Variants in RICTOR observed in about 807,000 individuals in gnomAD.
The protein encoded by RICTOR is RPTOR independent companion of MTOR complex 2, also known as rapamycin-insensitive companion of mTOR.
In RICTOR, 49 loss-of-function variants were observed where a neutral mutation model predicts 214.9. That is an observed-to-expected ratio of 0.23 (90% CI 0.18 to 0.29). The LOEUF (loss-of-function observed/expected upper bound fraction) is 0.29, where lower values mean the gene tolerates loss of function less well. Ranked by LOEUF, RICTOR falls within the 10% of genes least tolerant of loss-of-function variation. RICTOR has a pLI of 1.00. For missense variants in RICTOR, 1,625 were observed against 2,047.0 expected (o/e 0.79, Z 3.98); for synonymous variants, 717 against 711.3 (o/e 1.01, Z -0.13).
chr5:38,942,899 G>A lies in RICTOR; in HGVS notation c.4986C>T (p.His1662=). ...LYSEVSHLLS[H]CTFRLPCRRF... Reference sequence around the variant, plus strand: ...TCCGACACGGAAGTCTGAATGTGCAGTGTGACAGCAAATGGGAAACCTCAG... The same window carrying A: ...TCCGACACGGAAGTCTGAATGTGCAATGTGACAGCAAATGGGAAACCTCAG... Residue 1662 remains histidine (H), a synonymous_variant, in exon 37 of 38, where the codon CAC becomes CAT. Coordinates refer to ENST00000357387, the MANE Select transcript of RICTOR (RefSeq NM_152756.5). The A allele has an allele frequency of 6.2e-7, 1 of 1,608,628 alleles. No individual in the cohort carries two copies. The highest frequency in any genetic ancestry group is 8.5e-7 in the Non-Finnish European group (1 of 1,174,998).
chr5:39,026,901 A>C (rs1017664562), intron 2 of RICTOR, among the ~76,000 whole-genome samples: 1 of 151,980 alleles, frequency 6.6e-6, no homozygotes, highest in Non-Finnish European at 1.5e-5. Flanking sequence ...CCAGCTACTC[A>C]GGAGGCTGAG....
chr5:38,948,285 T>C (rs1183272938), intron 31 of RICTOR, among the ~76,000 whole-genome samples: 2 of 152,228 alleles, frequency 1.3e-5, no homozygotes, highest in Admixed American at 1.3e-4. Context: ...AATAATTATT[T>C]TGTAAAACAC....
chr5:38,992,733 A>G (rs1752878652), intron 6 of RICTOR, among the ~76,000 whole-genome samples: 1 of 152,214 alleles, frequency 6.6e-6, no homozygotes, highest in African/African-American at 2.4e-5. Flanking sequence ...AAACTCTTAA[A>G]TTGTGTGTAA....
intron 6 of RICTOR, among the ~76,000 whole-genome samples, chr5:38,994,451 A>T (rs2592307): frequency 3.0e-5 from 3 of 101,556 alleles, no homozygotes; most frequent in South Asian, 6.5e-4. Flanking sequence ...AAAAAAAAAA[A>T]AGTGCTTCAG....
intron 2 of RICTOR, among the ~76,000 whole-genome samples, chr5:39,024,823 C>G (rs1021612314): frequency 1.1e-4 from 16 of 152,186 alleles, no homozygotes; most frequent in African/African-American, 3.6e-4. Context: ...AAACTGATTG[C>G]AGACATTTTT....
chr5:39,044,562 T>G (rs1204140918), intron 2 of RICTOR, among the ~76,000 whole-genome samples: 1 of 152,092 alleles, frequency 6.6e-6, no homozygotes, highest in Non-Finnish European at 1.5e-5. Context: ...CTTCCCAAAC[T>G]CTGAGCAACA....
rs1296013123 is a variant in RICTOR, at chr5:38,940,685, T to C, written c.*1619A>G. The C allele has an allele frequency of 4.3e-6, 1 of 232,752 alleles. No individual in the cohort carries two copies. The highest frequency in any genetic ancestry group is 2.2e-5 in the African/African-American group (1 of 45,308). 14.4% of individuals were successfully genotyped at this position (232,752 alleles called of 1,614,324 possible). On this transcript the variant is annotated 3_prime_UTR_variant, in exon 38 of 38. Transcript: ENST00000357387. ...TGCTACACAGTGCACATAAGAACAATTCACTGAAGTGCAGTCAAAGAGGTG... is the reference window on the plus strand; with the variant it reads ...TGCTACACAGTGCACATAAGAACAACTCACTGAAGTGCAGTCAAAGAGGTG...
At chr5:39,038,320 C>T (rs1489200135) in intron 2 of RICTOR, among the ~76,000 whole-genome samples, 1 of 152,138 alleles carries the variant, frequency 6.6e-6, no homozygotes, top group Non-Finnish European at 1.5e-5. Flanking sequence ...GGACGTATCT[C>T]AAAATAATAA....
chr5:38,985,058 G>A (rs191256653), intron 7 of RICTOR, among the ~76,000 whole-genome samples: 2 of 152,098 alleles, frequency 1.3e-5, no homozygotes, highest in East Asian at 1.9e-4. Context: ...TGATCCACCC[G>A]CCTCGGCCTC....
intron 2 of RICTOR, among the ~76,000 whole-genome samples, chr5:39,058,304 G>A (rs1194595693): frequency 6.6e-6 from 1 of 152,010 alleles, no homozygotes. Flanking sequence ...TCTATTTAAA[G>A]GGTCATCTGA....
chr5:38,946,873 T>C (rs1254944549), intron 32 of RICTOR, among the ~76,000 whole-genome samples: 1 of 152,146 alleles, frequency 6.6e-6, no homozygotes, highest in Non-Finnish European at 1.5e-5. Context: ...CACCTTATAT[T>C]ACTGGGTACC....
chr5:39,033,227 T>A (rs1176866724), intron 2 of RICTOR, among the ~76,000 whole-genome samples: 1 of 152,076 alleles, frequency 6.6e-6, no homozygotes, highest in Non-Finnish European at 1.5e-5. Flanking sequence ...AGACTAGAAT[T>A]GTGTTGTTGG....
chr5:39,068,656 A>G (rs1759081300), intron 2 of RICTOR, among the ~76,000 whole-genome samples: 1 of 152,182 alleles, frequency 6.6e-6, no homozygotes, highest in African/African-American at 2.4e-5. Flanking sequence ...CGAGTGAAAA[A>G]AGGTGAGAAG....
chr5:38,981,733 G>A (rs1720318257), intron 8 of RICTOR, 134 bp downstream of exon 8: 1 of 574,332 alleles, frequency 1.7e-6, no homozygotes, highest in African/African-American at 1.9e-5. Context: ...AACAGAGCTG[G>A]GAATAAATTA....
intron 2 of RICTOR, among the ~76,000 whole-genome samples, chr5:39,025,052 TGA>T (rs1361768229): frequency 6.6e-6 from 1 of 152,060 alleles, no homozygotes; most frequent in Non-Finnish European, 1.5e-5. Flanking sequence ...AACTGACAGG[TGA>T]TGATAACTCA....
intron 5 of RICTOR, among the ~76,000 whole-genome samples, chr5:38,999,208 TGGCATCAGAAAC>T (rs1753429449): frequency 6.6e-6 from 1 of 151,396 alleles, no homozygotes. Context: ...AATACAATAA[TGGCATCAGAAAC>T]GTGGGACAGT....
intron 2 of RICTOR, among the ~76,000 whole-genome samples, chr5:39,046,728 G>C (rs1757526521): frequency 6.6e-6 from 1 of 151,940 alleles, no homozygotes; most frequent in Non-Finnish European, 1.5e-5. Context: ...TTATGACTTG[G>C]TTTAAAGATT....
intron 3 of RICTOR, among the ~76,000 whole-genome samples, chr5:39,003,980 C>T (rs986090024): frequency 3.3e-5 from 5 of 152,158 alleles, no homozygotes; most frequent in Non-Finnish European, 5.9e-5. Context: ...TCACAATGTC[C>T]TCAATGCCAG....
intron 2 of RICTOR, among the ~76,000 whole-genome samples, chr5:39,032,855 C>T (rs189242357): frequency 4.9e-4 from 74 of 152,324 alleles, no homozygotes; most frequent in African/African-American, 1.7e-3. Flanking sequence ...TCCCTTTAAC[C>T]TGGCATGCCG....
Sources: gnomAD v4.1 joint callset for allele counts (sites outside exome capture counted in the v4.1 genomes callset) on GRCh38, gnomAD v4.1.1 for gene constraint, MANE v1.5 for transcripts, NCBI Gene and HGNC (gene_info 2026-07-23, HGNC 2026-07-21) for gene names.